Variants in DNAJC11 observed in about 807,000 individuals in gnomAD.
DNAJC11 encodes the protein dnaJ homolog subfamily C member 11.
Under a neutral mutation model 78.6 loss-of-function variants are expected in DNAJC11, and 15 were observed. The ratio of observed to expected loss-of-function variants is 0.19; its 90% confidence interval spans 0.13 to 0.29. The LOEUF (loss-of-function observed/expected upper bound fraction) is 0.29, where lower values mean the gene tolerates loss of function less well. DNAJC11 is among the 10% of genes least tolerant of loss of function. The pLI is 1.00. For missense variants in DNAJC11, 547 were observed against 709.6 expected, an observed-to-expected ratio of 0.77 and a Z score of 2.60; for synonymous variants, 292 against 272.1, an observed-to-expected ratio of 1.07 and a Z score of -0.72.
chr1:6,642,717 C>T (rs984349286), intron 10 of DNAJC11, among the ~76,000 whole-genome samples: 1 of 152,116 alleles, frequency 6.6e-6, no homozygotes. Flanking sequence ...GGAAAGACTT[C>T]GGGCAGAGCA....
At chr1:6,682,427 C>T (rs141796286) in intron 1 of DNAJC11, among the ~76,000 whole-genome samples, 47 of 152,192 alleles carry the variant, frequency 3.1e-4, no homozygotes, top group East Asian at 1.4e-3. Flanking sequence ...AGACAATAAA[C>T]GTGACTGGAA....
rs535911016 is a variant in DNAJC11, at chr1:6,700,385, G to A, written c.72+1344C>T. Among the ~76,000 whole-genome samples, 6 of 152,242 alleles carry A rather than the reference G, an allele frequency of 3.9e-5. No homozygotes were observed. In the South Asian group the frequency reaches 1.2e-3, roughly 32 times the overall value. ...ATTGCTCACACAAAGCCTGTTTGGT[G>A]GTCTCTTCACACGGACGCGCGTGAC... On this transcript the variant is annotated intron_variant, in intron 1 of 15. Transcript: ENST00000377577.
intron 7 of DNAJC11, among the ~76,000 whole-genome samples, chr1:6,648,703 C>T (rs974235572): frequency 1.3e-5 from 2 of 152,016 alleles, no homozygotes; most frequent in African/African-American, 4.8e-5. Flanking sequence ...GTGATCGTCT[C>T]ACCTGGCCTC....
intron 4 of DNAJC11, among the ~76,000 whole-genome samples, chr1:6,666,097 C>T (rs575446166): frequency 1.3e-5 from 2 of 152,342 alleles, no homozygotes; most frequent in African/African-American, 4.8e-5. Flanking sequence ...TAGATGGGAG[C>T]AGAGGTGTTA....
Position 6,651,590 on chromosome 1 carries a change from C to G in DNAJC11, c.643G>C (p.Ala215Pro), listed in dbSNP as rs766979741. The change falls in exon 7 of 16, where the codon GCT becomes CCT. Residue 215 changes from alanine (A) to proline (P), a missense_variant. By Grantham distance (27) the Ala-to-Pro change is conservative. Transcript: ENST00000377577. ...AACAAAGGCCCCTGTAGGTCTCCAG[C>G]TCCAAATTCCAACTGTTTGAAAAGG... ...AKGWGELEFG[A>P]GDLQGPLFGL... The G allele has an allele frequency of 6.2e-7, 1 of 1,614,000 alleles. No homozygotes were observed. The highest frequency in any genetic ancestry group is 8.5e-7 in the Non-Finnish European group (1 of 1,179,908).
chr1:6,695,742 A>T (rs1339721318), intron 1 of DNAJC11, among the ~76,000 whole-genome samples: 1 of 146,290 alleles, frequency 6.8e-6, no homozygotes, highest in Non-Finnish European at 1.5e-5. Context: ...TAGGAGGTGG[A>T]GGTTGCAGTG....
chr1:6,683,635 A>T (rs1416465287), intron 1 of DNAJC11, among the ~76,000 whole-genome samples: 1 of 152,218 alleles, frequency 6.6e-6, no homozygotes, highest in African/African-American at 2.4e-5. Flanking sequence ...TGTTATTACC[A>T]TCATCACAAT....
chr1:6,634,422 A>G lies in DNAJC11; in HGVS notation c.*1253T>C. Reference sequence around the variant, plus strand: ...TCAAAACCAGAGGAAGGAGGTTCTTAGCCGTTACTCAGATACCAGTGCTGG... The same window carrying G: ...TCAAAACCAGAGGAAGGAGGTTCTTGGCCGTTACTCAGATACCAGTGCTGG... On this transcript the variant is annotated 3_prime_UTR_variant, in exon 16 of 16. Transcript: ENST00000377577. 2 of 1,248,128 alleles carry G rather than the reference A, an allele frequency of 1.6e-6. No homozygotes were observed. Among genetic ancestry groups the G allele is most frequent in the Non-Finnish European group, 2.1e-6 (2 of 962,238 alleles). The allele number at this position is 1,248,128 out of a possible 1,614,324, so 77.3% of individuals were successfully genotyped here. A position where few individuals can be genotyped will look rare whatever the true frequency, so the allele number is the denominator to read the frequency against.
intron 4 of DNAJC11, among the ~76,000 whole-genome samples, chr1:6,666,633 C>T (rs973589670): frequency 1.1e-4 from 17 of 152,110 alleles, no homozygotes; most frequent in African/African-American, 3.4e-4. Context: ...AACTCCTGAC[C>T]TCAGGTGATC....
Position 6,634,799 on chromosome 1 carries a change from G to A in DNAJC11, c.*876C>T, listed in dbSNP as rs78571546. On this transcript the variant is annotated 3_prime_UTR_variant, in exon 16 of 16. Transcript: ENST00000377577. ...TGCAGTGCCACCTGCTGGGTACCAC[G>A]GGCCGGGCCTGGGGTCCACGCCTTT... 1.2e-3 allele frequency: 1,560 copies of A among 1,295,328 alleles called. 16 individuals carry two copies. The African/African-American group carries it at 0.019, about 15-fold the overall frequency. The allele number at this position is 1,295,328 out of a possible 1,614,324, so 80.2% of individuals were successfully genotyped here.
intron 1 of DNAJC11, among the ~76,000 whole-genome samples, chr1:6,695,169 T>G (rs1302211599): frequency 1.3e-5 from 2 of 151,338 alleles, no homozygotes; most frequent in East Asian, 1.9e-4. Flanking sequence ...AAAATTTTTT[T>G]TTTTAATTAA....
rs1039594031 is a variant in DNAJC11, at chr1:6,634,312, C to T, written c.*1363G>A. ...CAGGCTCATGCAACACGACGCTCAC[C>T]GCGGCTCGGGCCGTGGGGCCGTCAG... On this transcript the variant is annotated 3_prime_UTR_variant, in exon 16 of 16. Coordinates refer to ENST00000377577, the MANE Select transcript of DNAJC11 (RefSeq NM_018198.4). 1.2e-5 allele frequency: 12 copies of T among 975,826 alleles called. No homozygotes were observed. Among genetic ancestry groups the T allele is most frequent in the East Asian group, 5.5e-5 (2 of 36,586 alleles). The allele number at this position is 975,826 out of a possible 1,614,324, so 60.4% of individuals were successfully genotyped here.
At chr1:6,692,030 A>T (rs541224438) in intron 1 of DNAJC11, among the ~76,000 whole-genome samples, 29 of 152,390 alleles carry the variant, frequency 1.9e-4, no homozygotes, top group African/African-American at 6.0e-4. Flanking sequence ...CAAGCAAAGC[A>T]TGTTGCTCTC....
At chr1:6,688,215 T>A (rs1019798997) in intron 1 of DNAJC11, among the ~76,000 whole-genome samples, 4 of 152,228 alleles carry the variant, frequency 2.6e-5, no homozygotes, top group Non-Finnish European at 5.9e-5. Flanking sequence ...TGAGTCTCCA[T>A]AAGCCCTGAC....
intron 4 of DNAJC11, among the ~76,000 whole-genome samples, chr1:6,657,799 C>T (rs1236560856): frequency 1.3e-5 from 2 of 152,258 alleles, no homozygotes; most frequent in Non-Finnish European, 2.9e-5. Context: ...CGCCTGCCAC[C>T]ACGCCCGGCT....
At chr1:6,638,130 G>A (rs1641815306) in intron 12 of DNAJC11, 165 bp downstream of exon 12, 1 of 585,298 alleles carries the variant, frequency 1.7e-6, no homozygotes, top group Admixed American at 3.3e-5. Flanking sequence ...ATTATCTTCA[G>A]GGCAGGGACT....
At chr1:6,652,576 A>C (rs960600272) in intron 6 of DNAJC11, among the ~76,000 whole-genome samples, 1 of 152,054 alleles carries the variant, frequency 6.6e-6, no homozygotes, top group Non-Finnish European at 1.5e-5. Context: ...AGTAGCTGGG[A>C]TTACAGGCAG....
At chr1:6,639,247 C>T (rs1000367351) in intron 11 of DNAJC11, among the ~76,000 whole-genome samples, 5 of 151,992 alleles carry the variant, frequency 3.3e-5, no homozygotes, top group Non-Finnish European at 4.4e-5. Flanking sequence ...GGATCCAGAA[C>T]GCATTCCTCT....
chr1:6,655,620 C>T (rs1006990106), intron 4 of DNAJC11, among the ~76,000 whole-genome samples: 5 of 151,774 alleles, frequency 3.3e-5, no homozygotes, highest in African/African-American at 9.7e-5. Flanking sequence ...GTCAGGAGTT[C>T]GAGACCAGCC....
Sources: gnomAD v4.1 joint callset for allele counts (sites outside exome capture counted in the v4.1 genomes callset) on GRCh38, gnomAD v4.1.1 for gene constraint, MANE v1.5 for transcripts, NCBI Gene and HGNC (gene_info 2026-07-23, HGNC 2026-07-21) for gene names.